The following EIF4ENIF1 variants were observed in gnomAD, a reference collection of about 807,000 sequenced individuals.
EIF4ENIF1 encodes eukaryotic translation initiation factor 4E transporter.
In EIF4ENIF1, 23 loss-of-function variants were observed where a neutral mutation model predicts 110.5. That is an observed-to-expected ratio of 0.21 (90% CI 0.15 to 0.29). The LOEUF is 0.29. Among genes scored for constraint, EIF4ENIF1 ranks in the 10% least tolerant of loss-of-function variants. The pLI is 1.00. For missense variants in EIF4ENIF1, 1,031 were observed against 1,221.1 expected (o/e 0.84, Z 2.32); for synonymous variants, 440 against 437.0 (o/e 1.01, Z -0.09).
chr22:31,452,447 C>T (rs1409932241), intron 10 of EIF4ENIF1, among the ~76,000 whole-genome samples: 3 of 152,188 alleles, frequency 2.0e-5, no homozygotes, highest in African/African-American at 7.2e-5. Flanking sequence ...ACCAGATACA[C>T]TTCTGAGTGC....
intron 2 of EIF4ENIF1, among the ~76,000 whole-genome samples, chr22:31,480,076 G>A (rs1458234903): frequency 2.6e-5 from 4 of 152,052 alleles, no homozygotes; most frequent in Non-Finnish European, 5.9e-5. Context: ...ACCATATGGC[G>A]AATATAAGAG....
chr22:31,473,041 T>C (rs1261209175), intron 2 of EIF4ENIF1, among the ~76,000 whole-genome samples: 6 of 152,034 alleles, frequency 3.9e-5, no homozygotes, highest in African/African-American at 1.4e-4. Flanking sequence ...CCAAGTTTTT[T>C]TGGCTTCCAC....
intron 10 of EIF4ENIF1, among the ~76,000 whole-genome samples, chr22:31,451,491 G>A (rs1225854537): frequency 6.6e-6 from 1 of 151,198 alleles, no homozygotes; most frequent in Non-Finnish European, 1.5e-5. Context: ...GGCCAGGATG[G>A]TCTCGATCTC....
chr22:31,486,938 C>A (rs994371473), intron 2 of EIF4ENIF1, among the ~76,000 whole-genome samples: 3 of 125,828 alleles, frequency 2.4e-5, no homozygotes, highest in Non-Finnish European at 5.2e-5. Context: ...AAAAAAAAAT[C>A]AGCTGGGCAT....
At chr22:31,481,087 A>G (rs1425944400) in intron 2 of EIF4ENIF1, among the ~76,000 whole-genome samples, 1 of 152,174 alleles carries the variant, frequency 6.6e-6, no homozygotes, top group Non-Finnish European at 1.5e-5. Context: ...GCTATTCTCT[A>G]TGGTCTTGCC....
chr22:31,491,244 C>T (rs142686797), upstream of EIF4ENIF1, among the ~76,000 whole-genome samples: 1 of 152,258 alleles, frequency 6.6e-6, no homozygotes, highest in African/African-American at 2.4e-5. Context: ...GCTGCTGAGC[C>T]TTTTTAAGCC....
At chr22:31,477,556 T>C (rs1301341212) in intron 2 of EIF4ENIF1, among the ~76,000 whole-genome samples, 1 of 152,172 alleles carries the variant, frequency 6.6e-6, no homozygotes, top group Non-Finnish European at 1.5e-5. Flanking sequence ...TTTTCGTTGT[T>C]GACTTTACAT....
chr22:31,478,679 C>T (rs2051687620), intron 2 of EIF4ENIF1, among the ~76,000 whole-genome samples: 2 of 150,984 alleles, frequency 1.3e-5, no homozygotes, highest in African/African-American at 4.9e-5. Flanking sequence ...TGGCCGGGCA[C>T]AGTGGCTCAA....
rs2050794114 is a variant in EIF4ENIF1 at position 31,455,726 on chromosome 22, T to G, written c.1099+126A>C. 1.3e-5 allele frequency: 17 copies of G among 1,275,840 alleles called. No individual in the cohort carries two copies. In the South Asian group the frequency reaches 2.5e-4, roughly 19 times the overall value. 79.0% of individuals were successfully genotyped at this position (1,275,840 alleles called of 1,614,324 possible). A position where few individuals can be genotyped will look rare whatever the true frequency, so the allele number is the denominator to read the frequency against. On this transcript the variant is annotated intron_variant, in intron 8 of 18. Transcript: ENST00000330125. ...TCAACAATATTAAAAGGACACAAAT[T>G]GAAGGCTTTTCAGTTGTCCAGAGAC...
chr22:31,487,442 T>C (rs1317061561), intron 2 of EIF4ENIF1, among the ~76,000 whole-genome samples: 3 of 152,186 alleles, frequency 2.0e-5, no homozygotes, highest in Admixed American at 6.5e-5. Context: ...AAACAAGAGC[T>C]GGCTTTAAAG....
chr22:31,440,705 T>A lies in EIF4ENIF1; in HGVS notation c.2715A>T (p.Ser905=), dbSNP rs766699424. 1.8e-5 allele frequency: 29 copies of A among 1,613,568 alleles called. No individual in the cohort carries two copies. The highest frequency in any genetic ancestry group is 2.4e-5 in the Non-Finnish European group (28 of 1,179,772). The part of the protein sequence containing the change: ...LAMVQQQLQR[S]VLHPPGSGSH... ...CACCTGTCACATTCCTGAACCTACCTGAGCGCTGTAGCTGCTGTTGCACCA... is the reference window on the plus strand; with the variant it reads ...CACCTGTCACATTCCTGAACCTACCAGAGCGCTGTAGCTGCTGTTGCACCA... Residue 905 remains serine, a splice_region_variant and synonymous_variant, in exon 18 of 19, where the codon TCA becomes TCT. Coordinates refer to ENST00000330125, the MANE Select transcript of EIF4ENIF1 (RefSeq NM_019843.4).
chr22:31,473,549 T>C (rs2051463250), intron 2 of EIF4ENIF1, among the ~76,000 whole-genome samples: 1 of 152,230 alleles, frequency 6.6e-6, no homozygotes, highest in African/African-American at 2.4e-5. Context: ...TTGTCTCTTA[T>C]GATAGTGACA....
chr22:31,448,328 C>G, intron 12 of EIF4ENIF1, 96 bp from the exon 13 acceptor site: 2 of 1,234,768 alleles, frequency 1.6e-6, no homozygotes, highest in Non-Finnish European at 2.4e-6. Context: ...TGAACGCCAT[C>G]TCTTGGAAAG....
intron 7 of EIF4ENIF1, 22 bp from the exon 8 acceptor site, chr22:31,456,009 A>G: frequency 6.2e-7 from 1 of 1,609,724 alleles, no homozygotes; most frequent in Non-Finnish European, 8.5e-7. Context: ...GACAATAAAA[A>G]CTAATAGTTT....
intron 16 of EIF4ENIF1, 76 bp downstream of exon 16, chr22:31,442,886 G>C: frequency 6.4e-7 from 1 of 1,564,786 alleles, no homozygotes; most frequent in Non-Finnish European, 8.7e-7. Flanking sequence ...TAGAATATCA[G>C]GCTGGTCAGC....
At chr22:31,450,740 ACT>A (rs35468789) in intron 10 of EIF4ENIF1, 64,150 of 254,578 alleles carry the variant, frequency 0.25, 8,216 homozygotes, top group East Asian at 0.45. Flanking sequence ...ACACACACAC[ACT>A]CATATATACA....
chr22:31,453,824 T>G (rs1483822290), intron 10 of EIF4ENIF1, among the ~76,000 whole-genome samples: 2 of 152,204 alleles, frequency 1.3e-5, no homozygotes, highest in African/African-American at 4.8e-5. Context: ...AAGAAAATTG[T>G]CTCTGGAGTT....
chr22:31,480,671 C>T (rs1370853320), intron 2 of EIF4ENIF1, among the ~76,000 whole-genome samples: 1 of 152,126 alleles, frequency 6.6e-6, no homozygotes, highest in Non-Finnish European at 1.5e-5. Flanking sequence ...AGGAGAATCG[C>T]TTGAACCCGG....
At chr22:31,440,989 C>T (rs2050276092) in intron 17 of EIF4ENIF1, 121 bp from the exon 18 acceptor site, 4 of 1,339,502 alleles carry the variant, frequency 3.0e-6, no homozygotes, top group Non-Finnish European at 4.1e-6. Flanking sequence ...TGCGCAGTGG[C>T]TCACGCCTGT....
Sources: gnomAD v4.1 joint callset for allele counts (sites outside exome capture counted in the v4.1 genomes callset) on GRCh38, gnomAD v4.1.1 for gene constraint, MANE v1.5 for transcripts, NCBI Gene and HGNC (gene_info 2026-07-23, HGNC 2026-07-21) for gene names.